Variants in OCA2 observed in about 807,000 individuals in gnomAD.
The protein encoded by OCA2 is P protein.
OCA2 carries 77 observed loss-of-function variants against 100.2 expected under a neutral mutation model. That is an observed-to-expected ratio of 0.77 (90% CI 0.64 to 0.93). The LOEUF (loss-of-function observed/expected upper bound fraction) is 0.93. Ranked by LOEUF, OCA2 falls within the 40% of genes least tolerant of loss-of-function variation. OCA2 has a pLI of 0.00. For missense variants in OCA2, 1,062 were observed against 1,089.1 expected (o/e 0.98, Z 0.35); for synonymous variants, 432 against 439.2 (o/e 0.98, Z 0.21).
At chr15:27,768,493 G>C (rs11637271) in intron 23 of OCA2, among the ~76,000 whole-genome samples, 2 of 151,940 alleles carry the variant, frequency 1.3e-5, no homozygotes, top group South Asian at 4.2e-4. Flanking sequence ...AATGTATAGC[G>C]AATCAATAGC....
At chr15:27,738,183 C>A in the OCA2 span, among the ~76,000 whole-genome samples, 1 of 152,106 alleles carries the variant, frequency 6.6e-6, no homozygotes, top group African/African-American at 2.4e-5. Context: ...ACACCAAAAA[C>A]CAAACAAAGC....
In OCA2 at chr15:27,913,897, A is replaced by AAG. The variant is rs2038545341; in HGVS notation, c.2079+12228_2079+12229dup. On this transcript the variant is annotated intron_variant, in intron 19 of 23. Transcript: ENST00000354638. ...AAAGAAAGAAAGAAAGAAAGAAAGC[A>AAG]AGCAAGCAAGCAAGCAAGCAAGCAA... Among the ~76,000 whole-genome samples, 4 of 35,708 alleles carry AAG rather than the reference A, an allele frequency of 1.1e-4. 1 individual carries two copies. Among genetic ancestry groups the AAG allele is most frequent in the African/African-American group, 2.0e-4 (2 of 10,022 alleles). 23.4% of individuals were successfully genotyped at this position (35,708 alleles called of 152,430 possible). A position where few individuals can be genotyped will look rare whatever the true frequency, so the allele number is the denominator to read the frequency against.
intron 19 of OCA2, among the ~76,000 whole-genome samples, chr15:27,906,682 C>G (rs2038191011): frequency 6.7e-6 from 1 of 149,612 alleles, no homozygotes; most frequent in Non-Finnish European, 1.5e-5. Flanking sequence ...TCAGGTCTTC[C>G]AAAATCAAGA....
At chr15:27,823,719 A>C (rs1483555043) in intron 23 of OCA2, among the ~76,000 whole-genome samples, 1 of 152,004 alleles carries the variant, frequency 6.6e-6, no homozygotes, top group Non-Finnish European at 1.5e-5. Context: ...CCCCGAAAAA[A>C]CTCTAAATTC....
intron 17 of OCA2, among the ~76,000 whole-genome samples, chr15:27,952,330 G>A (rs1340412452): frequency 6.6e-6 from 1 of 152,240 alleles, no homozygotes; most frequent in Non-Finnish European, 1.5e-5. Context: ...CTGGAATGCA[G>A]GGGGTGCACT....
intron 21 of OCA2, among the ~76,000 whole-genome samples, chr15:27,866,200 T>A (rs2036316390): frequency 6.6e-6 from 1 of 152,118 alleles, no homozygotes; most frequent in South Asian, 2.1e-4. Context: ...TAGGTTGGTG[T>A]GGCTGGCTCC....
intron 23 of OCA2, among the ~76,000 whole-genome samples, chr15:27,819,209 C>T (rs1311858239): frequency 6.6e-6 from 1 of 152,196 alleles, no homozygotes; most frequent in Non-Finnish European, 1.5e-5. Context: ...GTGCTCAATC[C>T]TCTGTGAACC....
intron 14 of OCA2, among the ~76,000 whole-genome samples, chr15:27,967,952 A>T (rs111414813): frequency 6.6e-6 from 1 of 151,832 alleles, no homozygotes; most frequent in African/African-American, 2.4e-5. Context: ...CTGTTCTTTC[A>T]CTGACGTCCT....
the OCA2 span, among the ~76,000 whole-genome samples, chr15:27,719,196 G>A: frequency 6.6e-6 from 1 of 152,172 alleles, no homozygotes; most frequent in Non-Finnish European, 1.5e-5. Context: ...GAACATGCTG[G>A]AAGTCCAGGA....
chr15:27,802,127 G>A (rs541625633), intron 23 of OCA2, among the ~76,000 whole-genome samples: 9 of 152,154 alleles, frequency 5.9e-5, no homozygotes, highest in South Asian at 2.1e-4. Flanking sequence ...AGATCCATAC[G>A]TATACATCTA....
chr15:27,769,496 T>C (rs2031545705), intron 23 of OCA2, among the ~76,000 whole-genome samples: 1 of 152,136 alleles, frequency 6.6e-6, no homozygotes, highest in African/African-American at 2.4e-5. Context: ...GAAACCATTC[T>C]TCCTGTTTAT....
chr15:27,811,201 T>A lies in OCA2; in HGVS notation c.2432+33758A>T, dbSNP rs548856444. Among the ~76,000 whole-genome samples the A allele has an allele frequency of 4.5e-3, 653 of 144,468 alleles. 5 individuals are homozygous for A. The highest frequency in any genetic ancestry group is 0.016 in the African/African-American group (621 of 39,542). 94.8% of individuals were successfully genotyped at this position (144,468 alleles called of 152,430 possible). Reference sequence around the variant, plus strand: ...ATACTACTTAGCCGTAAAAAAAAAATGTCTTTTGCAGCTACTTGGATGGAG... The same window carrying A: ...ATACTACTTAGCCGTAAAAAAAAAAAGTCTTTTGCAGCTACTTGGATGGAG... On this transcript the variant is annotated intron_variant, in intron 23 of 23. Transcript: ENST00000354638.
Position 28,051,595 on chromosome 15 carries a change from C to CTTTT in OCA2, c.228-19436_228-19433dup, listed in dbSNP as rs11292828. ...GCATGAGCCACTGCGCCTGGCCTTC[C>CTTTT]TTTTTTTTTTTTTTTTTTTTTTTTT... On this transcript the variant is annotated intron_variant, in intron 2 of 23. Coordinates refer to ENST00000354638, the MANE Select transcript of OCA2 (RefSeq NM_000275.3). Among the ~76,000 whole-genome samples the CTTTT allele has an allele frequency of 3.0e-4, 25 of 82,492 alleles. 5 individuals are homozygous for CTTTT. The highest frequency in any genetic ancestry group is 1.2e-3 in the African/African-American group (16 of 13,590). 54.1% of individuals were successfully genotyped at this position (82,492 alleles called of 152,430 possible). A position where few individuals can be genotyped will look rare whatever the true frequency, so the allele number is the denominator to read the frequency against.
chr15:28,010,172 AAGAG>A (rs1426218309), intron 9 of OCA2, among the ~76,000 whole-genome samples: 5 of 152,146 alleles, frequency 3.3e-5, no homozygotes, highest in South Asian at 2.1e-4. Flanking sequence ...TTTAAAAAAA[AAGAG>A]AGAGAGAGAA....
chr15:28,081,718 T>C lies in OCA2; in HGVS notation c.157A>G (p.Arg53Gly), dbSNP rs761810483. The part of the protein sequence containing the change: ...GGADPSHSCP[R>G]GAAGQSSWAP... ...CAAGAGCTCTGCCCGGCAGCCCCCC[T>C]GGGGCAGGAGTGCGAGGGGTCAGCT... Residue 53 changes from arginine to glycine, a missense_variant, in exon 2 of 24, where the codon AGG becomes GGG. By Grantham distance (125) the Arg-to-Gly change is moderately radical. Coordinates refer to ENST00000354638, the MANE Select transcript of OCA2 (RefSeq NM_000275.3). The C allele has an allele frequency of 6.2e-7, 1 of 1,613,666 alleles. No individual in the cohort carries two copies. Among genetic ancestry groups the C allele is most frequent in the Admixed American group, 1.7e-5 (1 of 60,018 alleles).
At chr15:27,728,253 GTAGACATT>G in the OCA2 span, among the ~76,000 whole-genome samples, 1 of 152,106 alleles carries the variant, frequency 6.6e-6, no homozygotes, top group Non-Finnish European at 1.5e-5. Flanking sequence ...TGGGACAGTC[GTAGACATT>G]TCCTTTCAGA....
At chr15:28,009,134 T>C (rs145423893) in intron 9 of OCA2, among the ~76,000 whole-genome samples, 1,665 of 152,112 alleles carry the variant, frequency 0.011, 18 homozygotes, top group Non-Finnish European at 0.018. Context: ...CCCTAGGGAG[T>C]TATGGACACA....
At chr15:27,927,424 T>C (rs1338580346) in intron 18 of OCA2, among the ~76,000 whole-genome samples, 1 of 152,234 alleles carries the variant, frequency 6.6e-6, no homozygotes, top group African/African-American at 2.4e-5. Context: ...CATGGATTGT[T>C]TCCAGTGTCT....
intron 21 of OCA2, among the ~76,000 whole-genome samples, chr15:27,864,233 A>G (rs912546853): frequency 6.6e-6 from 1 of 151,776 alleles, no homozygotes; most frequent in African/African-American, 2.4e-5. Flanking sequence ...TAACTCTAGC[A>G]CCTCCTTAGC....
Sources: allele counts gnomAD v4.1 joint callset (sites outside exome capture counted in the v4.1 genomes callset), GRCh38; gene constraint gnomAD v4.1.1; transcripts MANE v1.5; gene names NCBI Gene and HGNC (gene_info 2026-07-23, HGNC 2026-07-21).